Variants in RGS6 observed in about 807,000 individuals in gnomAD.
RGS6 encodes regulator of G-protein signaling 6.
RGS6 carries 30 observed loss-of-function variants against 78.5 expected under a neutral mutation model. The observed-to-expected ratio is 0.38, with a 90% confidence interval of 0.29 to 0.52. The LOEUF (loss-of-function observed/expected upper bound fraction) is 0.52. Ranked by LOEUF, RGS6 falls within the 20% of genes least tolerant of loss-of-function variation. The pLI is 0.85. For missense variants in RGS6, 495 were observed against 609.7 expected, an observed-to-expected ratio of 0.81 and a Z score of 1.98; for synonymous variants, 206 against 206.0, an observed-to-expected ratio of 1.00 and a Z score of 0.00.
At chr14:72,090,855 C>A (rs1427860717) in intron 2 of RGS6, among the ~76,000 whole-genome samples, 1 of 152,098 alleles carries the variant, frequency 6.6e-6, no homozygotes, top group African/African-American at 2.4e-5. Flanking sequence ...GGCGCAGGCT[C>A]CTGTTGGGGC....
At chr14:71,883,447 C>G in the RGS6 span, among the ~76,000 whole-genome samples, 1 of 152,202 alleles carries the variant, frequency 6.6e-6, no homozygotes, top group African/African-American at 2.4e-5. Context: ...GCTGCCTCTA[C>G]AGCTCCAGCT....
the RGS6 span, among the ~76,000 whole-genome samples, chr14:72,628,678 GGAGA>G: frequency 1.3e-5 from 2 of 151,682 alleles, no homozygotes; most frequent in African/African-American, 2.4e-5. Flanking sequence ...GTTGGTGAGA[GGAGA>G]GAGAGAGATA....
chr14:71,981,508 A>C (rs541393529), intron 2 of RGS6, among the ~76,000 whole-genome samples: 5 of 151,582 alleles, frequency 3.3e-5, no homozygotes, highest in Admixed American at 3.3e-4. Flanking sequence ...GGTCTGTTGG[A>C]ATACCCGGCC....
At chr14:72,190,057 C>T (rs1252994968) in intron 2 of RGS6, among the ~76,000 whole-genome samples, 2 of 152,182 alleles carry the variant, frequency 1.3e-5, no homozygotes, top group East Asian at 3.8e-4. Context: ...CAAGGACTTT[C>T]TTTATCCCTC....
intron 2 of RGS6, among the ~76,000 whole-genome samples, chr14:72,116,960 T>A (rs1267228197): frequency 1.4e-5 from 1 of 70,452 alleles, no homozygotes. Context: ...CGAGACTCCA[T>A]CTCAAAAAAA....
At chr14:72,558,415 A>G (rs1487213368) in intron 17 of RGS6, among the ~76,000 whole-genome samples, 2 of 152,242 alleles carry the variant, frequency 1.3e-5, no homozygotes, top group East Asian at 3.9e-4. Flanking sequence ...CCAAAGAAAG[A>G]GTTTAGCATC....
At chr14:72,233,385 A>G (rs1313998687) in intron 2 of RGS6, among the ~76,000 whole-genome samples, 1 of 152,138 alleles carries the variant, frequency 6.6e-6, no homozygotes, top group African/African-American at 2.4e-5. Flanking sequence ...ACTGCCTGGC[A>G]CTTACCTCCA....
intron 3 of RGS6, among the ~76,000 whole-genome samples, chr14:72,359,748 A>G (rs146208957): frequency 4.3e-4 from 65 of 152,312 alleles, no homozygotes; most frequent in African/African-American, 1.5e-3. Context: ...TTGGACACCA[A>G]TTTTTCTAGA....
chr14:72,545,527 C>T (rs965667823), intron 17 of RGS6, among the ~76,000 whole-genome samples: 1 of 152,074 alleles, frequency 6.6e-6, no homozygotes. Flanking sequence ...TTCCAGCTAG[C>T]GGTGTTCTGC....
intron 3 of RGS6, among the ~76,000 whole-genome samples, chr14:72,411,658 A>G (rs1322389014): frequency 6.6e-6 from 1 of 152,164 alleles, no homozygotes; most frequent in Non-Finnish European, 1.5e-5. Flanking sequence ...TTTCAAAGGT[A>G]ATGCTTCCAG....
At chr14:72,324,364 CT>C (rs371389506) in intron 2 of RGS6, among the ~76,000 whole-genome samples, 1,599 of 149,102 alleles carry the variant, frequency 0.011, 30 homozygotes, top group African/African-American at 0.037. Flanking sequence ...AAGGACTATT[CT>C]TTTTTTTTTA....
At chr14:72,361,556 T>C (rs1374668164) in intron 3 of RGS6, among the ~76,000 whole-genome samples, 1 of 152,074 alleles carries the variant, frequency 6.6e-6, no homozygotes, top group African/African-American at 2.4e-5. Context: ...GCAGGGACAA[T>C]AATATAAGAT....
chr14:71,979,484 A>G (rs1048040710), intron 2 of RGS6, among the ~76,000 whole-genome samples: 8 of 152,026 alleles, frequency 5.3e-5, no homozygotes, highest in African/African-American at 1.7e-4. Flanking sequence ...CATTGGTTTG[A>G]AAGAACATCT....
the RGS6 span, among the ~76,000 whole-genome samples, chr14:72,623,596 G>A: frequency 6.6e-6 from 1 of 152,144 alleles, no homozygotes; most frequent in African/African-American, 2.4e-5. Flanking sequence ...TGGTATTATT[G>A]AAGAGCAAGA....
At chr14:71,897,098 G>A in the RGS6 span, among the ~76,000 whole-genome samples, 2 of 152,126 alleles carry the variant, frequency 1.3e-5, no homozygotes, top group African/African-American at 4.8e-5. Flanking sequence ...CTACCTAGGG[G>A]GTATAATCCA....
At chr14:71,930,703 C>G (rs77453747), upstream of RGS6, among the ~76,000 whole-genome samples, 1 of 151,968 alleles carries the variant, frequency 6.6e-6, no homozygotes, top group African/African-American at 2.4e-5. Context: ...AGAGTTCCCA[C>G]TGGGTGTGGT....
chr14:72,187,726 C>G (rs1186031628), intron 2 of RGS6, among the ~76,000 whole-genome samples: 1 of 152,154 alleles, frequency 6.6e-6, no homozygotes, highest in Non-Finnish European at 1.5e-5. Flanking sequence ...CTTTTCTTTT[C>G]CTGTCTTCAG....
chr14:72,204,292 A>C (rs2042241372), intron 2 of RGS6, among the ~76,000 whole-genome samples: 2 of 152,208 alleles, frequency 1.3e-5, no homozygotes, highest in Admixed American at 1.3e-4. Flanking sequence ...CCATTCTGTT[A>C]TATTCTGTTT....
chr14:71,969,799 C>G (rs1350997892), intron 2 of RGS6, among the ~76,000 whole-genome samples: 1 of 152,202 alleles, frequency 6.6e-6, no homozygotes, highest in African/African-American at 2.4e-5. Flanking sequence ...GGAAATTGGT[C>G]TAAAAATGTA....
Sources: gnomAD v4.1 joint callset for allele counts (sites outside exome capture counted in the v4.1 genomes callset) on GRCh38, gnomAD v4.1.1 for gene constraint, MANE v1.5 for transcripts, NCBI Gene and HGNC (gene_info 2026-07-23, HGNC 2026-07-21) for gene names.